VIPR2: variants seen among roughly 807,000 people sequenced by gnomAD.
VIPR2 encodes vasoactive intestinal peptide receptor 2, also known as vasoactive intestinal polypeptide receptor 2.
VIPR2 carries 48 observed loss-of-function variants against 58.0 expected under a neutral mutation model. The ratio of observed to expected loss-of-function variants is 0.83; its 90% CI spans 0.66 to 1.05. VIPR2 has a LOEUF of 1.05. Among genes scored for constraint, VIPR2 ranks in the 50% least tolerant of loss-of-function variants. VIPR2 has a pLI of 0.00. For missense variants in VIPR2, 534 were observed against 558.0 expected, an observed-to-expected ratio of 0.96 and a Z score of 0.43; for synonymous variants, 243 against 235.2, an observed-to-expected ratio of 1.03 and a Z score of -0.30.
chr7:159,062,365 T>G (rs73730124), intron 4 of VIPR2, among the ~76,000 whole-genome samples: 16,867 of 152,026 alleles, frequency 0.11, 984 homozygotes, highest in Middle Eastern at 0.14. Context: ...TCACAGTGAG[T>G]GTTACAGTTC....
chr7:159,134,187 C>G (rs1054371559), intron 2 of VIPR2, among the ~76,000 whole-genome samples: 3 of 152,174 alleles, frequency 2.0e-5, no homozygotes, highest in Admixed American at 2.0e-4. Flanking sequence ...CTACCTAGGT[C>G]TGCCAGTAAG....
intron 5 of VIPR2, among the ~76,000 whole-genome samples, chr7:159,045,594 T>G (rs1450714396): frequency 6.6e-6 from 1 of 152,172 alleles, no homozygotes; most frequent in African/African-American, 2.4e-5. Flanking sequence ...ATCAATGACC[T>G]AGACATAAGA....
chr7:159,088,830 GGGGAATGGGAATAGCCTCAGGCCTCA>G (rs1338569287), intron 4 of VIPR2, among the ~76,000 whole-genome samples: 29 of 145,706 alleles, frequency 2.0e-4, no homozygotes, highest in African/African-American at 6.5e-4. Context: ...TTCCTCATCT[GGGGAATGGGAATAGCCTCAGGCCTCA>G]GCTCCTCATC....
At position 159,128,421 on chromosome 7, in the gene VIPR2, T is replaced by C. The variant is rs3828964; in HGVS notation, c.151+14025A>G. ...TATGCCCCTCAGATGACTGAGGTCC[T>C]AACAACTGTGTGTAAAAACCTCTGG... On this transcript the variant is annotated intron_variant, in intron 2 of 12. Coordinates refer to ENST00000262178, the MANE Select transcript of VIPR2 (RefSeq NM_003382.5). The surrounding 1 kb of genome is among the most constrained non-coding windows in gnomAD (Gnocchi z 4.1). Among the ~76,000 whole-genome samples the C allele has an allele frequency of 0.16, 25,021 of 152,104 alleles. 3,238 individuals are homozygous for C. The highest frequency in any genetic ancestry group is 0.36 in the African/African-American group (14,882 of 41,472).
At chr7:159,106,987 G>GAGGTACA (rs1795772849) in intron 3 of VIPR2, among the ~76,000 whole-genome samples, 1 of 149,724 alleles carries the variant, frequency 6.7e-6, no homozygotes, top group Non-Finnish European at 1.5e-5. Context: ...GCCATCCAGG[G>GAGGTACA]GCAGAGAGGC....
chr7:159,038,622 A>G (rs1854122164), intron 6 of VIPR2, among the ~76,000 whole-genome samples: 1 of 152,098 alleles, frequency 6.6e-6, no homozygotes, highest in Admixed American at 6.5e-5. Flanking sequence ...GGAGTTAGTC[A>G]CCCATCGGGA....
Position 159,031,971 on chromosome 7 carries a change from C to G in VIPR2, c.1068G>C (p.Gln356His). 6.2e-7 allele frequency: 1 copy of G among 1,614,188 alleles called. No homozygotes were observed. The highest frequency in any genetic ancestry group is 8.5e-7 in the Non-Finnish European group (1 of 1,180,044). ...VFPISISSKY[Q>H]ILFELCLGSF... is the part of the protein sequence containing the mutation. ...ACCCGAGGCACAGCTCAAACAGTAT[C>G]TGGTATTTGGAGGAGATGCTGATGG... Residue 356 changes from glutamine (Q) to histidine (H), a missense_variant, in exon 11 of 13, where the codon CAG becomes CAC. Around this residue, in one of 3 missense-constraint regions of VIPR2, gnomAD observed 306 missense variants for 285.8 expected, o/e 1.07. Transcript: ENST00000262178. This position sits in a 1 kb window ranked among gnomAD's most constrained non-coding sequence, Gnocchi z 4.0.
At chr7:159,120,292 G>A (rs1341117728) in intron 2 of VIPR2, among the ~76,000 whole-genome samples, 1 of 152,144 alleles carries the variant, frequency 6.6e-6, no homozygotes, top group Admixed American at 6.5e-5. Context: ...AGAAGAGCAG[G>A]CAAGGATGCC....
chr7:159,137,764 A>C (rs1047797714), intron 2 of VIPR2, among the ~76,000 whole-genome samples: 9 of 152,334 alleles, frequency 5.9e-5, no homozygotes, highest in Admixed American at 5.2e-4. Context: ...GAGTTTAGAA[A>C]ATGGAAGAAA....
At position 159,031,787 on chromosome 7, in the gene VIPR2, G is replaced by GT; in HGVS notation, c.1143+40dup. ...GGCTGGGCAGCATCTCAGGAAGCAA[G>GT]TGAGTACCTGTGCTTGGTTCCAAGG... On this transcript the variant is annotated intron_variant, in intron 12 of 12. Coordinates refer to ENST00000262178, the MANE Select transcript of VIPR2 (RefSeq NM_003382.5). This position sits in a 1 kb window ranked among gnomAD's most constrained non-coding sequence, Gnocchi z 4.0. The GT allele has an allele frequency of 6.2e-7, 1 of 1,613,656 alleles. No individual in the cohort carries two copies. Among genetic ancestry groups the GT allele is most frequent in the East Asian group, 2.2e-5 (1 of 44,872 alleles).
intron 4 of VIPR2, among the ~76,000 whole-genome samples, chr7:159,079,945 C>A (rs1037773479): frequency 6.6e-6 from 1 of 152,142 alleles, no homozygotes; most frequent in Non-Finnish European, 1.5e-5. Context: ...AATAGGCCAA[C>A]AACAGGCTCT....
At chr7:159,103,254 C>T (rs1210940974) in intron 4 of VIPR2, among the ~76,000 whole-genome samples, 1 of 152,186 alleles carries the variant, frequency 6.6e-6, no homozygotes, top group Non-Finnish European at 1.5e-5. Context: ...GACCCCTGCT[C>T]CCAGACACCT....
At chr7:159,133,524 T>C (rs1317601583) in intron 2 of VIPR2, among the ~76,000 whole-genome samples, 1 of 152,280 alleles carries the variant, frequency 6.6e-6, no homozygotes, top group Non-Finnish European at 1.5e-5. Context: ...CAAAAGACTT[T>C]GGCCATCCGA....
chr7:159,039,922 C>T (rs543559784), intron 6 of VIPR2, among the ~76,000 whole-genome samples: 24 of 152,318 alleles, frequency 1.6e-4, no homozygotes, highest in South Asian at 6.2e-4. Context: ...ATGGGCTACG[C>T]GGAGAACACC....
intron 4 of VIPR2, among the ~76,000 whole-genome samples, chr7:159,094,337 C>A (rs551078470): frequency 1.3e-5 from 2 of 152,304 alleles, no homozygotes; most frequent in African/African-American, 4.8e-5. Flanking sequence ...CCAGAGAGTG[C>A]CCAAGGCCCA....
intron 10 of VIPR2, among the ~76,000 whole-genome samples, chr7:159,032,457 C>T (rs1324003142): frequency 2.0e-5 from 3 of 152,264 alleles, no homozygotes; most frequent in South Asian, 2.1e-4. Flanking sequence ...TGGCCTCCAC[C>T]GCTGCCACAC....
intron 2 of VIPR2, among the ~76,000 whole-genome samples, chr7:159,136,644 G>C (rs1411978117): frequency 6.6e-6 from 1 of 152,094 alleles, no homozygotes; most frequent in Admixed American, 6.5e-5. Context: ...CACTGACCCA[G>C]GTCTCTGAGC....
chr7:159,072,213 C>T (rs991755494), intron 4 of VIPR2, among the ~76,000 whole-genome samples: 2 of 151,264 alleles, frequency 1.3e-5, no homozygotes, highest in African/African-American at 2.4e-5. Flanking sequence ...GATGAAGGCA[C>T]GATGGTACCG....
chr7:159,071,574 A>G (rs1856394771), intron 4 of VIPR2, among the ~76,000 whole-genome samples: 1 of 152,226 alleles, frequency 6.6e-6, no homozygotes, highest in Non-Finnish European at 1.5e-5. Context: ...CTTGTCCAGA[A>G]CAGGAGTTCA....
Sources: allele counts gnomAD v4.1 joint callset (sites outside exome capture counted in the v4.1 genomes callset), GRCh38; gene constraint gnomAD v4.1.1; regional missense constraint gnomAD v4.1.1; non-coding constraint Gnocchi (gnomAD v3.1); transcripts MANE v1.5; gene names NCBI Gene and HGNC (gene_info 2026-07-23, HGNC 2026-07-21).